FAM193A: variants seen among roughly 807,000 people sequenced by gnomAD.
FAM193A encodes the protein family with sequence similarity 193 member A.
A neutral mutation model predicts 126.5 loss-of-function variants in FAM193A; 22 were observed. The observed-to-expected ratio is 0.17, with a 90% CI of 0.12 to 0.25. The LOEUF is 0.25. FAM193A is among the 10% of genes least tolerant of loss of function. The probability of loss-of-function intolerance (pLI) is 1.00; values close to 1 mark genes in which losing one functional copy is unlikely to be tolerated. For synonymous variants in FAM193A, 761 were observed against 646.8 expected, an observed-to-expected ratio of 1.18 and a Z score of -2.68; for missense variants, 1,675 against 1,672.8, an observed-to-expected ratio of 1.00 and a Z score of -0.02.
At chr4:2,586,592 C>G (rs954641646) in intron 1 of FAM193A, among the ~76,000 whole-genome samples, 1 of 152,110 alleles carries the variant, frequency 6.6e-6, no homozygotes, top group African/African-American at 2.4e-5. Flanking sequence ...TACCTTGATT[C>G]TATATTCCTT....
chr4:2,540,796 A>G (rs1400938364), intron 1 of FAM193A, among the ~76,000 whole-genome samples: 1 of 151,890 alleles, frequency 6.6e-6, no homozygotes, highest in Non-Finnish European at 1.5e-5. Flanking sequence ...CCCCATCTCT[A>G]CTAAAAATAC....
intron 10 of FAM193A, among the ~76,000 whole-genome samples, chr4:2,661,508 G>A (rs1269176215): frequency 2.0e-5 from 3 of 152,190 alleles, no homozygotes; most frequent in African/African-American, 7.2e-5. Context: ...CCTCAGGAGT[G>A]TGTATGAGCA....
chr4:2,702,255 A>G (rs1717817038), intron 19 of FAM193A, among the ~76,000 whole-genome samples: 1 of 152,080 alleles, frequency 6.6e-6, no homozygotes, highest in South Asian at 2.1e-4. Context: ...TGCTGTTTTG[A>G]TTGTCTGAGA....
At chr4:2,618,798 T>C (rs1742364099) in intron 2 of FAM193A, among the ~76,000 whole-genome samples, 1 of 152,094 alleles carries the variant, frequency 6.6e-6, no homozygotes, top group South Asian at 2.1e-4. Context: ...TTGCTCCATG[T>C]TGGTCAGGCT....
chr4:2,614,642 T>G (rs79926902), intron 2 of FAM193A, among the ~76,000 whole-genome samples: 4,575 of 152,332 alleles, frequency 0.03, 243 homozygotes, highest in African/African-American at 0.1. Flanking sequence ...GGATGTATTT[T>G]CTCTTTGATT....
At chr4:2,664,415 G>A (rs75707244) in intron 12 of FAM193A, among the ~76,000 whole-genome samples, 1 of 152,114 alleles carries the variant, frequency 6.6e-6, no homozygotes, top group East Asian at 1.9e-4. Context: ...GTTTATATTT[G>A]GACATTCCAT....
At chr4:2,664,996 T>G (rs1332981756) in intron 12 of FAM193A, among the ~76,000 whole-genome samples, 1 of 152,182 alleles carries the variant, frequency 6.6e-6, no homozygotes, top group African/African-American at 2.4e-5. Flanking sequence ...GAATATATAT[T>G]TAGAATTCTC....
At chr4:2,558,450 T>G (rs936690053) in intron 1 of FAM193A, among the ~76,000 whole-genome samples, 2 of 152,172 alleles carry the variant, frequency 1.3e-5, no homozygotes, top group Non-Finnish European at 2.9e-5. Context: ...TCCGCCGTCA[T>G]AGCTCACTGC....
intron 2 of FAM193A, among the ~76,000 whole-genome samples, chr4:2,616,793 C>T (rs1742214037): frequency 6.6e-6 from 1 of 151,522 alleles, no homozygotes; most frequent in Non-Finnish European, 1.5e-5. Flanking sequence ...GTCTTGATCT[C>T]CTGACCTCAT....
intron 7 of FAM193A, 151 bp downstream of exon 7, chr4:2,646,983 C>A (rs761849678): frequency 1.2e-6 from 1 of 860,360 alleles, no homozygotes; most frequent in Non-Finnish European, 1.7e-6. Flanking sequence ...TGTGTGTTAG[C>A]TGCTGGTTTT....
intron 2 of FAM193A, chr4:2,608,261 C>G: frequency 4.1e-6 from 3 of 726,910 alleles, no homozygotes; most frequent in Non-Finnish European, 6.7e-6. Context: ...TCTCTGCAGC[C>G]TTCACCTCCT....
intron 19 of FAM193A, among the ~76,000 whole-genome samples, chr4:2,705,912 A>T (rs571361617): frequency 6.6e-6 from 1 of 152,230 alleles, no homozygotes; most frequent in African/African-American, 2.4e-5. Context: ...TAGAAAGTTC[A>T]TCCTGGACCA....
chr4:2,634,332 G>A (rs1406909499), intron 5 of FAM193A, among the ~76,000 whole-genome samples: 2 of 152,112 alleles, frequency 1.3e-5, no homozygotes, highest in Non-Finnish European at 2.9e-5. Flanking sequence ...GTAAAGTCAG[G>A]CAGCATGCAG....
chr4:2,568,011 T>A (rs547249295), intron 1 of FAM193A, among the ~76,000 whole-genome samples: 18 of 152,312 alleles, frequency 1.2e-4, no homozygotes, highest in Admixed American at 3.3e-4. Context: ...ATCTACTACT[T>A]CTCGTCTCCA....
intron 13 of FAM193A, among the ~76,000 whole-genome samples, chr4:2,684,030 TCA>T (rs1715452372): frequency 6.6e-6 from 1 of 152,248 alleles, no homozygotes; most frequent in African/African-American, 2.4e-5. Flanking sequence ...ATCTCTCTGC[TCA>T]CACGGCCCCC....
intron 1 of FAM193A, among the ~76,000 whole-genome samples, chr4:2,574,508 GACCCC>G: frequency 1.3e-5 from 2 of 152,160 alleles, no homozygotes; most frequent in African/African-American, 4.8e-5. Context: ...GTAGACATTT[GACCCC>G]TAAATCCAAC....
chr4:2,595,070 A>G (rs998314883), intron 1 of FAM193A, among the ~76,000 whole-genome samples: 3 of 149,318 alleles, frequency 2.0e-5, no homozygotes, highest in Admixed American at 2.0e-4. Flanking sequence ...TTTTTTTGAC[A>G]CGGGGTCTTG....
chr4:2,681,808 T>C, intron 13 of FAM193A, among the ~76,000 whole-genome samples: 1 of 152,094 alleles, frequency 6.6e-6, no homozygotes, highest in Non-Finnish European at 1.5e-5. Context: ...TTGATGTGTT[T>C]GTAGCTATAC....
intron 1 of FAM193A, among the ~76,000 whole-genome samples, chr4:2,549,748 G>A (rs1387963241): frequency 6.6e-6 from 1 of 151,166 alleles, no homozygotes; most frequent in East Asian, 2.0e-4. Flanking sequence ...TTTTCTTTGA[G>A]ATGGAGTCTC....
Sources: gnomAD v4.1 joint callset for allele counts (sites outside exome capture counted in the v4.1 genomes callset) on GRCh38, gnomAD v4.1.1 for gene constraint, MANE v1.5 for transcripts, NCBI Gene and HGNC (gene_info 2026-07-23, HGNC 2026-07-21) for gene names.